Variants in ANKS1B observed in about 807,000 individuals in gnomAD.
The protein encoded by ANKS1B is ankyrin repeat and sterile alpha motif domain containing 1B.
In ANKS1B, 36 loss-of-function variants were observed where a neutral mutation model predicts 148.3. The observed-to-expected ratio is 0.24, with a 90% CI of 0.19 to 0.32. The LOEUF is 0.32. Ranked by LOEUF, ANKS1B falls within the 10% of genes least tolerant of loss-of-function variation. The pLI is 1.00. For synonymous variants in ANKS1B, 542 were observed against 560.8 expected, an observed-to-expected ratio of 0.97 and a Z score of 0.47; for missense variants, 1,157 against 1,542.6, an observed-to-expected ratio of 0.75 and a Z score of 4.19.
intron 10 of ANKS1B, among the ~76,000 whole-genome samples, chr12:99,466,117 A>G (rs2096107296): frequency 1.3e-5 from 2 of 152,194 alleles, no homozygotes; most frequent in African/African-American, 4.8e-5. Flanking sequence ...TCAAACTAGA[A>G]CTCAGGATTA....
rs1474933209 is a variant in ANKS1B, at chr12:99,154,302, T to C, written c.2513A>G (p.Asn838Ser). The C allele has an allele frequency of 7.4e-6, 12 of 1,613,526 alleles. No individual in the cohort carries two copies. Among genetic ancestry groups the C allele is most frequent in the Middle Eastern group, 1.6e-4 (1 of 6,076 alleles). ...AGAGCTTCTTACCATAAACTGCACA[T>C]TGTCAAATCCATTAGCCATCAGGTG... Reference protein sequence around the residue: ...ENHLMANGFDNVQFMGSNVME... With the variant: ...ENHLMANGFDSVQFMGSNVME... The change falls in exon 15 of 27, where the codon AAT (asparagine) becomes AGT (serine). Residue 838 changes from asparagine to serine, a missense_variant. Physicochemically the swap from Asn to Ser is conservative, Grantham distance 46. Transcript: ENST00000683438.
intron 12 of ANKS1B, among the ~76,000 whole-genome samples, chr12:99,386,733 T>A (rs772107912): frequency 6.6e-6 from 1 of 152,206 alleles, no homozygotes; most frequent in Non-Finnish European, 1.5e-5. Flanking sequence ...TGTAAATAAC[T>A]GCAATCTTTT....
intron 9 of ANKS1B, among the ~76,000 whole-genome samples, chr12:99,577,752 A>G (rs1357009941): frequency 6.6e-6 from 1 of 152,112 alleles, no homozygotes; most frequent in Non-Finnish European, 1.5e-5. Context: ...CTACCAACAG[A>G]AAAAGCCCTG....
In ANKS1B at chr12:99,507,493, A is replaced by G. The variant is rs2096723422; in HGVS notation, c.1273-2852T>C. 3.3e-5 allele frequency among the ~76,000 whole-genome samples: 5 copies of G among 152,020 alleles called. No homozygotes were observed. The South Asian group carries it at 1.0e-3, about 31-fold the overall frequency. On this transcript the variant is annotated intron_variant, in intron 9 of 26. Transcript: ENST00000683438. ...AAGCATGCTGAGATAACTGAGGGTA[A>G]TATTTTGGTGACCATCCTCCCAGAC...
At chr12:99,272,930 C>G (rs1020149700) in intron 12 of ANKS1B, among the ~76,000 whole-genome samples, 2 of 152,258 alleles carry the variant, frequency 1.3e-5, no homozygotes, top group South Asian at 4.1e-4. Context: ...CTGACCCTAC[C>G]AATATCTCTG....
chr12:99,714,528 T>C (rs1645728099), intron 8 of ANKS1B, among the ~76,000 whole-genome samples: 1 of 152,176 alleles, frequency 6.6e-6, no homozygotes, highest in Non-Finnish European at 1.5e-5. Context: ...TCTCACAATA[T>C]TTCAAGTTTT....
chr12:99,543,947 A>C (rs1041624822), intron 9 of ANKS1B, among the ~76,000 whole-genome samples: 1 of 152,152 alleles, frequency 6.6e-6, no homozygotes, highest in African/African-American at 2.4e-5. Flanking sequence ...GACCAAGATA[A>C]ATGACATAAG....
chr12:99,317,083 A>G (rs555724512), intron 12 of ANKS1B, among the ~76,000 whole-genome samples: 16 of 152,032 alleles, frequency 1.1e-4, no homozygotes, highest in Admixed American at 4.6e-4. Flanking sequence ...TTGTAGTATA[A>G]TTTGAAGTCA....
intron 9 of ANKS1B, among the ~76,000 whole-genome samples, chr12:99,654,358 C>G (rs2098439879): frequency 6.6e-6 from 1 of 152,112 alleles, no homozygotes; most frequent in Non-Finnish European, 1.5e-5. Flanking sequence ...CACCCACGTT[C>G]TATGTAATTA....
chr12:98,944,003 G>A (rs1374055249), intron 17 of ANKS1B, among the ~76,000 whole-genome samples: 2 of 152,146 alleles, frequency 1.3e-5, no homozygotes, highest in Non-Finnish European at 2.9e-5. Context: ...AATGGGGGTT[G>A]TTTAAAAGAG....
chr12:99,373,503 C>T (rs2093248209), intron 12 of ANKS1B, among the ~76,000 whole-genome samples: 5 of 152,008 alleles, frequency 3.3e-5, no homozygotes, highest in Admixed American at 3.3e-4. Context: ...TAGATTTGGT[C>T]CAATACAGGC....
At chr12:99,625,837 C>A (rs1348684705) in intron 9 of ANKS1B, among the ~76,000 whole-genome samples, 2 of 151,982 alleles carry the variant, frequency 1.3e-5, no homozygotes, top group African/African-American at 4.8e-5. Context: ...AAATTGAGTC[C>A]AATGAGAGTA....
intron 1 of ANKS1B, among the ~76,000 whole-genome samples, chr12:99,968,462 G>A (rs1388114693): frequency 6.6e-6 from 1 of 152,202 alleles, no homozygotes; most frequent in Non-Finnish European, 1.5e-5. Flanking sequence ...GGAGGCTGAG[G>A]CAGGAGAATG....
chr12:98,847,302 C>T (rs1301261641), intron 17 of ANKS1B, among the ~76,000 whole-genome samples: 1 of 152,208 alleles, frequency 6.6e-6, no homozygotes, highest in East Asian at 1.9e-4. Context: ...CACCATTCTA[C>T]TGCCTGCTTT....
At chr12:99,932,152 T>A (rs1341798007) in intron 1 of ANKS1B, among the ~76,000 whole-genome samples, 1 of 152,234 alleles carries the variant, frequency 6.6e-6, no homozygotes, top group Non-Finnish European at 1.5e-5. Context: ...TGACACATTT[T>A]CTTCATCTAT....
chr12:99,373,225 G>T (rs1401093922), intron 12 of ANKS1B, among the ~76,000 whole-genome samples: 1 of 152,094 alleles, frequency 6.6e-6, no homozygotes, highest in African/African-American at 2.4e-5. Flanking sequence ...GGAAAGGGCA[G>T]GAATAGGCCA....
At chr12:99,904,278 A>G (rs947494636) in intron 1 of ANKS1B, among the ~76,000 whole-genome samples, 2 of 144,178 alleles carry the variant, frequency 1.4e-5, no homozygotes, top group Admixed American at 1.4e-4. Flanking sequence ...TGCAACCTCC[A>G]CCTCCTGGAT....
chr12:99,431,884 C>T (rs1338857634), intron 11 of ANKS1B, among the ~76,000 whole-genome samples: 2 of 152,170 alleles, frequency 1.3e-5, no homozygotes, highest in African/African-American at 2.4e-5. Flanking sequence ...CCCAATGTGG[C>T]CGTGTTGGCA....
chr12:99,291,482 A>G (rs1183570208), intron 12 of ANKS1B, among the ~76,000 whole-genome samples: 1 of 152,210 alleles, frequency 6.6e-6, no homozygotes, highest in African/African-American at 2.4e-5. Context: ...ACATTACCAG[A>G]CTTCAAATTA....
Sources: gnomAD v4.1 joint callset for allele counts (sites outside exome capture counted in the v4.1 genomes callset) on GRCh38, gnomAD v4.1.1 for gene constraint, MANE v1.5 for transcripts, NCBI Gene and HGNC (gene_info 2026-07-23, HGNC 2026-07-21) for gene names.